The following NOM1 variants were observed in gnomAD, a reference collection of about 807,000 sequenced individuals.
The protein encoded by NOM1 is nucleolar MIF4G domain-containing protein 1.
Under a neutral mutation model 73.3 loss-of-function variants are expected in NOM1, and 58 were observed. The observed-to-expected ratio is 0.79, with a 90% CI of 0.64 to 0.99. NOM1 has a LOEUF of 0.99. NOM1 is among the 50% of genes least tolerant of loss of function. The pLI, the probability that NOM1 is intolerant of heterozygous loss-of-function variation, is 0.00. For synonymous variants in NOM1, 487 were observed against 446.8 expected, an observed-to-expected ratio of 1.09 and a Z score of -1.14; for missense variants, 1,226 against 1,131.9, an observed-to-expected ratio of 1.08 and a Z score of -1.19.
In NOM1 at chr7:156,954,522, C is replaced by CTTTTTTTTTTTTTTTTTTT. The variant is rs34176770; in HGVS notation, c.1308+226_1308+244dup. Among the ~76,000 whole-genome samples the CTTTTTTTTTTTTTTTTTTT allele has an allele frequency of 3.7e-3, 373 of 101,578 alleles. 18 individuals carry two copies. The highest frequency in any genetic ancestry group is 5.1e-3 in the Middle Eastern group (1 of 196). The allele number at this position is 101,578 out of a possible 152,430, so 66.6% of individuals were successfully genotyped here. A position where few individuals can be genotyped will look rare whatever the true frequency, so the allele number is the denominator to read the frequency against. On this transcript the variant is annotated intron_variant, in intron 3 of 10. Transcript: ENST00000275820. ...ACTTTGCTTTTTTGTTCTGTCCATT[C>CTTTTTTTTTTTTTTTTTTT]TTTTTTTTTTTTTTTTTTTTGAGAC...
At chr7:156,959,711 C>G (rs903539534) in intron 3 of NOM1, 140 bp from the exon 4 acceptor site, 14 of 789,630 alleles carry the variant, frequency 1.8e-5, no homozygotes, top group Middle Eastern at 5.0e-4. Flanking sequence ...GCCGGCTGCT[C>G]TGGGTTGCCG....
rs540987822 is a variant in NOM1 at position 156,971,295 on chromosome 7, C to G, written c.*1592C>G. On this transcript the variant is annotated 3_prime_UTR_variant, in exon 11 of 11. Transcript: ENST00000275820. ...ACTCATCTGTCCAGCAGTCACCGTC[C>G]TCTTCAGAGTGGTCACGTTGGGCAG... is the stretch of plus-strand genomic sequence containing the variant. The G allele has an allele frequency of 6.6e-6, 1 of 152,240 alleles. No homozygotes were observed. The highest frequency in any genetic ancestry group is 1.9e-4 in the East Asian group (1 of 5,204). 9.4% of individuals were successfully genotyped at this position (152,240 alleles called of 1,614,324 possible).
rs187867908 is a variant in NOM1, at chr7:156,963,835, G to C, written c.1912-70G>C. ...TTCTATTCAGTGACACTGAAGTACA[G>C]TTTGGCACCTCTCGGGAGGCAGTTT... On this transcript the variant is annotated intron_variant, in intron 6 of 10. Coordinates refer to ENST00000275820, the MANE Select transcript of NOM1 (RefSeq NM_138400.2). 1.9e-6 allele frequency: 3 copies of C among 1,557,420 alleles called. No homozygotes were observed. In the East Asian group the frequency reaches 6.8e-5, roughly 35 times the overall value.
chr7:156,969,715 A>G lies in NOM1; in HGVS notation c.*12A>G. ...CCCTGAGAATGTAGTCAGGGAAGGA[A>G]GGAGGGCAGGTGGCCCTTTGACTGT... On this transcript the variant is annotated 3_prime_UTR_variant, in exon 11 of 11. Transcript: ENST00000275820. 1 of 1,597,218 alleles carries G rather than the reference A, an allele frequency of 6.3e-7. No individual in the cohort carries two copies. The highest frequency in any genetic ancestry group is 2.2e-5 in the East Asian group (1 of 44,556).
intron 6 of NOM1, chr7:156,963,523 G>A: frequency 7.6e-6 from 3 of 396,106 alleles, no homozygotes; most frequent in Non-Finnish European, 1.4e-5. Flanking sequence ...ATTTCACATT[G>A]TGGAAATTCA....
chr7:156,952,091 C>T (rs1804607263), intron 1 of NOM1, among the ~76,000 whole-genome samples: 1 of 152,136 alleles, frequency 6.6e-6, no homozygotes, highest in South Asian at 2.1e-4. Flanking sequence ...CCAAAATTAG[C>T]GGTTTGTTTA....
intron 8 of NOM1, 43 bp downstream of exon 8, chr7:156,966,445 T>C: frequency 1.2e-6 from 2 of 1,610,100 alleles, no homozygotes; most frequent in Non-Finnish European, 1.7e-6. Flanking sequence ...CTCTACTATT[T>C]TTTCTACACA....
At chr7:156,956,668 G>A (rs1804733874) in intron 3 of NOM1, among the ~76,000 whole-genome samples, 1 of 152,242 alleles carries the variant, frequency 6.6e-6, no homozygotes, top group Non-Finnish European at 1.5e-5. Context: ...GCATCTGAGT[G>A]CGGGACTCTT....
At chr7:156,954,855 C>T (rs889409140) in intron 3 of NOM1, among the ~76,000 whole-genome samples, 10 of 152,200 alleles carry the variant, frequency 6.6e-5, no homozygotes, top group South Asian at 2.1e-4. Flanking sequence ...ATTTTCTTCT[C>T]GACTGACATC....
rs748758936 is a variant in NOM1 at position 156,952,581 on chromosome 7, A to G, written c.1095A>G (p.Val365=). 3.7e-6 allele frequency: 6 copies of G among 1,613,874 alleles called. No homozygotes were observed. Among genetic ancestry groups the G allele is most frequent in the Admixed American group, 3.3e-5 (2 of 59,976 alleles). The change falls in exon 2 of 11, where the codon GTA becomes GTG. Residue 365 remains valine, a synonymous_variant. Coordinates refer to ENST00000275820, the MANE Select transcript of NOM1 (RefSeq NM_138400.2). ...KEELERLKKH[V]KGLLNRLSEP... ...AACTAGAAAGGCTGAAGAAACATGT[A>G]AAAGGTCTACTTAACAGGTGACCTT... is the stretch of plus-strand genomic sequence containing the variant.
At chr7:156,964,246 T>G in intron 7 of NOM1, 1 of 320,288 alleles carries the variant, frequency 3.1e-6, no homozygotes, top group East Asian at 5.4e-5. Flanking sequence ...GAACATTTTA[T>G]GATATATAAA....
intron 7 of NOM1, among the ~76,000 whole-genome samples, chr7:156,965,875 C>G (rs966616929): frequency 1.2e-4 from 18 of 151,992 alleles, no homozygotes; most frequent in African/African-American, 4.4e-4. Context: ...AGTCATGCCA[C>G]TGCACTCCAG....
Position 156,950,445 on chromosome 7 carries a change from T to C in NOM1, c.708T>C (p.Gly236=). The C allele has an allele frequency of 6.2e-7, 1 of 1,612,616 alleles. No individual in the cohort carries two copies. The highest frequency in any genetic ancestry group is 8.5e-7 in the Non-Finnish European group (1 of 1,179,626). The change falls in exon 1 of 11, where the codon GGT becomes GGC. Residue 236 remains glycine (G), a synonymous_variant. Coordinates refer to ENST00000275820, the MANE Select transcript of NOM1 (RefSeq NM_138400.2). ...ATAGCGGCTTGTACGACAGCAGTGG[T>C]GAGGAGGAGGAAGATGCCGGACAGA... The part of the protein sequence containing the change: ...GKNSGLYDSS[G]EEEEDAGQTL...
In NOM1 at chr7:156,949,758, G is replaced by C. The variant is rs1302025082; in HGVS notation, c.21G>C (p.Ala7=). 2.2e-6 allele frequency: 3 copies of C among 1,393,240 alleles called. No individual in the cohort carries two copies. In the East Asian group the frequency reaches 8.4e-5, roughly 39 times the overall value. 86.3% of individuals were successfully genotyped at this position (1,393,240 alleles called of 1,614,324 possible). ...GAAAGATGGCGGCGTCCAGGAGCGC[G>C]GGAGAGGCCGGCCCGGGCGGCTCCC... The part of the protein sequence containing the change: MAASRS[A]GEAGPGGSQG... Residue 7 remains alanine, a synonymous_variant, in exon 1 of 11, where the codon GCG becomes GCC. Transcript: ENST00000275820.
chr7:156,960,891 G>C (rs572417655), intron 4 of NOM1, among the ~76,000 whole-genome samples: 56 of 152,298 alleles, frequency 3.7e-4, no homozygotes, highest in African/African-American at 1.1e-3. Flanking sequence ...GTGGCAGTGG[G>C]TGTGGACATG....
intron 6 of NOM1, chr7:156,963,431 T>A: frequency 1.9e-6 from 1 of 533,236 alleles, no homozygotes. Flanking sequence ...CATGAGGACC[T>A]GAACGCTCAC....
At position 156,960,095 on chromosome 7, in the gene NOM1, C is replaced by A. The variant is rs748095421; in HGVS notation, c.1553C>A (p.Ala518Asp). 1 of 1,614,156 alleles carries A rather than the reference C, an allele frequency of 6.2e-7. No homozygotes were observed. The highest frequency in any genetic ancestry group is 8.5e-7 in the Non-Finnish European group (1 of 1,180,014). ...GGTTTTTCATTGAGGAAAGATGATG[C>A]TTTATCACTTAAGGAATTGATCACT... ...NVGFSLRKDDALSLKELITEA... is the reference protein window; with the variant it reads ...NVGFSLRKDDDLSLKELITEA... Residue 518 changes from alanine (A) to aspartate (D), a missense_variant, in exon 4 of 11, where the codon GCT (alanine) becomes GAT (aspartate). Physicochemically the swap from Ala to Asp is moderately radical, Grantham distance 126. Coordinates refer to ENST00000275820, the MANE Select transcript of NOM1 (RefSeq NM_138400.2).
chr7:156,950,652 G>A lies in NOM1; in HGVS notation c.915G>A (p.Gly305=), dbSNP rs1360169537. Residue 305 remains glycine (G), a synonymous_variant, in exon 1 of 11, where the codon GGG becomes GGA. Transcript: ENST00000275820. The stretch of plus-strand genomic sequence containing the variant: ...AGGGAGCGCAGGAGAAAAGGAGGGG[G>A]AAGAGAGTCCGTTTTGCAGAAGATG... The part of the protein sequence containing the change: ...KEKGAQEKRR[G]KRVRFAEDEE... The A allele has an allele frequency of 6.4e-7, 1 of 1,553,252 alleles. No homozygotes were observed. Among genetic ancestry groups the A allele is most frequent in the African/African-American group, 1.4e-5 (1 of 73,194 alleles).
chr7:156,951,494 A>G (rs1804591875), intron 1 of NOM1, among the ~76,000 whole-genome samples: 1 of 152,164 alleles, frequency 6.6e-6, no homozygotes. Flanking sequence ...TCATGGTTGG[A>G]GGCAGCTGTG....
Sources: allele counts gnomAD v4.1 joint callset (sites outside exome capture counted in the v4.1 genomes callset), GRCh38; gene constraint gnomAD v4.1.1; transcripts MANE v1.5; gene names NCBI Gene and HGNC (gene_info 2026-07-23, HGNC 2026-07-21).